The following ACLY variants were observed in gnomAD, a reference collection of about 807,000 sequenced individuals.
The protein encoded by ACLY is ATP-citrate synthase.
ACLY carries 41 observed loss-of-function variants against 133.0 expected under a neutral mutation model. The ratio of observed to expected loss-of-function variants is 0.31; its 90% CI spans 0.24 to 0.40. The LOEUF (loss-of-function observed/expected upper bound fraction) is 0.40. Among genes scored for constraint, ACLY ranks in the 10% least tolerant of loss-of-function variants. The probability of loss-of-function intolerance (pLI) is 1.00; values close to 1 mark genes in which losing one functional copy is unlikely to be tolerated. For missense variants in ACLY, 1,046 were observed against 1,453.8 expected (o/e 0.72, Z 4.56); for synonymous variants, 495 against 549.3 (o/e 0.90, Z 1.38).
In ACLY at chr17:41,886,160, G is replaced by C. The variant is rs2049041493; in HGVS notation, c.2024C>G (p.Ser675Cys). The C allele has an allele frequency of 1.2e-6, 2 of 1,614,196 alleles. No individual in the cohort carries two copies. Among genetic ancestry groups the C allele is most frequent in the Non-Finnish European group, 8.5e-7 (1 of 1,180,020 alleles). The change falls in exon 18 of 29, where the codon TCT becomes TGT. Residue 675 changes from serine (S) to cysteine (C), a missense_variant. By Grantham distance (112) the Ser-to-Cys change is moderately radical. Transcript: ENST00000352035. ...GMSNELNNII[S>C]RTTDGVYEGV... ...CTCATAGACGCCATCCGTGGTCCGA[G>C]AGATGATATTGTTGAGCTCGTTGGA... is the stretch of plus-strand genomic sequence containing the variant.
intron 10 of ACLY, 66 bp downstream of exon 10, chr17:41,904,663 A>C (rs2049656832): frequency 3.3e-6 from 5 of 1,493,460 alleles, no homozygotes; most frequent in Non-Finnish European, 3.7e-6. Context: ...CTCTGCTTTC[A>C]AGGCCCCTTC....
At chr17:41,882,882 C>T (rs139016383) in intron 20 of ACLY, among the ~76,000 whole-genome samples, 54 of 152,312 alleles carry the variant, frequency 3.5e-4, no homozygotes, top group African/African-American at 1.1e-3. Context: ...TTGCTACCTA[C>T]GCCAAGTAGG....
intron 25 of ACLY, 94 bp downstream of exon 25, chr17:41,871,595 T>C: frequency 6.1e-6 from 9 of 1,485,392 alleles, no homozygotes; most frequent in Non-Finnish European, 8.3e-6. Context: ...CCTCAAGTGA[T>C]CCACCTGCCT....
chr17:41,895,775 C>G, intron 14 of ACLY, among the ~76,000 whole-genome samples: 1 of 152,172 alleles, frequency 6.6e-6, no homozygotes, highest in Non-Finnish European at 1.5e-5. Context: ...CATTCCAGGC[C>G]TTTCCAGCTG....
At chr17:41,901,963 T>C (rs782297912) in intron 10 of ACLY, 150 bp from the exon 11 acceptor site, 18 of 618,420 alleles carry the variant, frequency 2.9e-5, no homozygotes, top group Non-Finnish European at 3.7e-5. Flanking sequence ...GCCTGGGATA[T>C]GATCACTCAG....
intron 10 of ACLY, among the ~76,000 whole-genome samples, chr17:41,902,317 G>A (rs1472688316): frequency 3.3e-5 from 5 of 152,158 alleles, no homozygotes; most frequent in South Asian, 2.1e-4. Context: ...GGGTTCAAGC[G>A]ATTCTCCTGT....
At chr17:41,878,698 G>T in intron 21 of ACLY, 99 bp downstream of exon 21, 2 of 1,453,410 alleles carry the variant, frequency 1.4e-6, no homozygotes, top group South Asian at 2.4e-5. Flanking sequence ...CACCGAGAGG[G>T]ACCAGGAATA....
intron 11 of ACLY, among the ~76,000 whole-genome samples, chr17:41,899,830 G>A (rs1198367234): frequency 6.6e-6 from 1 of 151,450 alleles, no homozygotes; most frequent in Non-Finnish European, 1.5e-5. Flanking sequence ...GATCGCTTGA[G>A]TCCAAGAGTT....
chr17:41,923,720 A>C (rs782469856), upstream of ACLY, among the ~76,000 whole-genome samples: 1 of 152,234 alleles, frequency 6.6e-6, no homozygotes, highest in African/African-American at 2.4e-5. Context: ...AATGAAAGAA[A>C]GCAATTGTAG....
chr17:41,902,028 T>C (rs1006731181), intron 10 of ACLY, among the ~76,000 whole-genome samples: 5 of 152,312 alleles, frequency 3.3e-5, no homozygotes, highest in Middle Eastern at 3.4e-3. Context: ...CTTAATGTCA[T>C]GGTGCTCCAG....
At position 41,873,954 on chromosome 17, in the gene ACLY, C is replaced by G; in HGVS notation, c.2499G>C (p.Leu833Phe). 2 of 1,602,826 alleles carry G rather than the reference C, an allele frequency of 1.2e-6. No homozygotes were observed. The highest frequency in any genetic ancestry group is 1.7e-6 in the Non-Finnish European group (2 of 1,172,556). The change falls in exon 23 of 29, where the codon TTG becomes TTC. Residue 833 changes from leucine (L) to phenylalanine (F), a missense_variant. This residue lies in a region of ACLY where 205 missense variants were observed against 373.3 expected (regional missense o/e 0.55). Coordinates refer to ENST00000352035, the MANE Select transcript of ACLY (RefSeq NM_001096.3). ...TCATGAACGAGGCAGGTTTGCGGAT[C>G]AAACCAAGCTCCTGGGCAGAGATGG... is the stretch of plus-strand genomic sequence containing the variant. ...MDYSWARELG[L>F]IRKPASFMTS...
At chr17:41,876,932 A>G (rs2048775781) in intron 22 of ACLY, among the ~76,000 whole-genome samples, 1 of 149,348 alleles carries the variant, frequency 6.7e-6, no homozygotes, top group South Asian at 2.1e-4. Flanking sequence ...TAAAAAAGGA[A>G]AAAAAAAAAA....
chr17:41,869,408 G>A (rs1355001217), intron 26 of ACLY, 66 bp downstream of exon 26: 25 of 1,285,080 alleles, frequency 1.9e-5, no homozygotes, highest in South Asian at 4.8e-5. Flanking sequence ...AAAATGTAAC[G>A]TGGCTCCTGT....
In ACLY at chr17:41,905,628, G is replaced by T. The variant is rs782256999; in HGVS notation, c.897C>A (p.Asn299Lys). The change falls in exon 9 of 29, where the codon AAC becomes AAA. Residue 299 changes from asparagine to lysine, a missense_variant. By Grantham distance (94) the Asn-to-Lys change is moderately conservative (BLOSUM62 0). This residue lies in a region of ACLY where 575 missense variants were observed against 804.2 expected (regional missense o/e 0.71). Transcript: ENST00000352035. ...SDTICDLGGVNELANYGEYSG... is the reference protein window; with the variant it reads ...SDTICDLGGVKELANYGEYSG... The stretch of plus-strand genomic sequence containing the variant: ...AGTACTCCCCATAGTTTGCCAGCTC[G>T]TTGACACCCCCTAGATCACAGATGG... 1 of 1,614,170 alleles carries T rather than the reference G, an allele frequency of 6.2e-7. No homozygotes were observed. The highest frequency in any genetic ancestry group is 8.5e-7 in the Non-Finnish European group (1 of 1,180,014).
At chr17:41,890,217 G>A (rs192464130) in intron 16 of ACLY, among the ~76,000 whole-genome samples, 9 of 152,088 alleles carry the variant, frequency 5.9e-5, no homozygotes, top group African/African-American at 7.2e-5. Context: ...AGGACATACC[G>A]TCATAGCAGC....
intron 1 of ACLY, among the ~76,000 whole-genome samples, chr17:41,928,621 G>A (rs555941335): frequency 2.6e-5 from 4 of 151,840 alleles, no homozygotes; most frequent in East Asian, 1.9e-4. Context: ...AGAGGCTGAG[G>A]CGGGCAGATC....
intron 2 of ACLY, 87 bp downstream of exon 2, chr17:41,913,628 C>A: frequency 7.0e-7 from 1 of 1,431,724 alleles, no homozygotes. Context: ...ACCCCATGAC[C>A]CTATCGGCAT....
rs1389872437 is a variant in ACLY, at chr17:41,901,939, C to CT, written c.1066-127_1066-126insA. ...GCTCCTCAGGAAGCACAGGACTACG[C>CT]ATAAGCAGCCACGGCCTGGGATATG... On this transcript the variant is annotated intron_variant, in intron 10 of 28. Transcript: ENST00000352035. The CT allele has an allele frequency of 1.7e-5, 12 of 726,250 alleles. No individual in the cohort carries two copies. In the East Asian group the frequency reaches 3.3e-4, roughly 20 times the overall value. 45.0% of individuals were successfully genotyped at this position (726,250 alleles called of 1,614,324 possible).
At chr17:41,886,901 A>G (rs1488293237) in intron 17 of ACLY, among the ~76,000 whole-genome samples, 3 of 152,114 alleles carry the variant, frequency 2.0e-5, no homozygotes, top group Non-Finnish European at 4.4e-5. Context: ...TAGGGGGCAG[A>G]CTACCTGAGG....
Sources: allele counts gnomAD v4.1 joint callset (sites outside exome capture counted in the v4.1 genomes callset), GRCh38; gene constraint gnomAD v4.1.1; regional missense constraint gnomAD v4.1.1; transcripts MANE v1.5; gene names NCBI Gene and HGNC (gene_info 2026-07-23, HGNC 2026-07-21).